ACACA: variants seen among roughly 807,000 people sequenced by gnomAD.
ACACA encodes the protein acetyl-CoA carboxylase alpha, also known as acetyl-CoA carboxylase 1.
In ACACA, 103 loss-of-function variants were observed where a neutral mutation model predicts 296.1. The observed-to-expected ratio is 0.35, with a 90% CI of 0.30 to 0.41. ACACA has a LOEUF of 0.41. ACACA is among the 10% of genes least tolerant of loss of function. The probability of loss-of-function intolerance (pLI) is 1.00; values close to 1 mark genes in which losing one functional copy is unlikely to be tolerated. For missense variants in ACACA, 1,554 were observed against 2,989.7 expected (o/e 0.52, Z 11.20); for synonymous variants, 953 against 1,038.6 (o/e 0.92, Z 1.58).
At chr17:37,206,616 C>G (rs762771288) in intron 32 of ACACA, among the ~76,000 whole-genome samples, 167 bp downstream of exon 32, 1 of 152,064 alleles carries the variant, frequency 6.6e-6, no homozygotes, top group Non-Finnish European at 1.5e-5. Context: ...ATTTATATTC[C>G]ACTTGTTTCC....
At chr17:37,157,531 C>CTTTTTTTTTTTTTTT (rs397687787) in intron 42 of ACACA, among the ~76,000 whole-genome samples, 2 of 90,486 alleles carry the variant, frequency 2.2e-5, no homozygotes, top group Non-Finnish European at 2.0e-5. Flanking sequence ...ATCATTCTAT[C>CTTTTTTTTTTTTTTT]TTTTTTTTTT....
At chr17:37,224,945 G>A in intron 27 of ACACA, 47 bp downstream of exon 27, 2 of 851,120 alleles carry the variant, frequency 2.3e-6, no homozygotes, top group Non-Finnish European at 3.4e-6. Context: ...GGAGGTAAGA[G>A]TCCAGATAGG....
intron 45 of ACACA, 130 bp downstream of exon 45, chr17:37,149,734 G>A (rs2075960476): frequency 3.9e-6 from 3 of 768,766 alleles, no homozygotes; most frequent in Non-Finnish European, 6.9e-6. Flanking sequence ...AAGATGGAGG[G>A]AGAGGGGAAG....
At chr17:37,210,141 C>A (rs1329758078) in intron 30 of ACACA, among the ~76,000 whole-genome samples, 1 of 152,096 alleles carries the variant, frequency 6.6e-6, no homozygotes, top group Admixed American at 6.5e-5. Context: ...CCTCTGAAAG[C>A]CCCAAACTAC....
intron 47 of ACACA, 127 bp from the exon 48 acceptor site, chr17:37,125,921 T>C (rs2074761683): frequency 2.6e-6 from 2 of 781,342 alleles, no homozygotes; most frequent in Admixed American, 2.0e-5. Context: ...AACCAAATTA[T>C]AATAGATGGA....
At chr17:37,323,653 T>C (rs1269748962) in intron 3 of ACACA, among the ~76,000 whole-genome samples, 2 of 152,054 alleles carry the variant, frequency 1.3e-5, no homozygotes, top group Non-Finnish European at 2.9e-5. Flanking sequence ...AATCACACTA[T>C]GCTAGAGAGG....
rs1376572282 is a variant in ACACA at position 37,230,086 on chromosome 17, T to TAAAA, written c.3247-3635_3247-3634insTTTT. 1.4e-4 allele frequency among the ~76,000 whole-genome samples: 20 copies of TAAAA among 144,150 alleles called. No homozygotes were observed. In the East Asian group the frequency reaches 4.2e-3, roughly 30 times the overall value. 94.6% of individuals were successfully genotyped at this position (144,150 alleles called of 152,430 possible). A position where few individuals can be genotyped will look rare whatever the true frequency, so the allele number is the denominator to read the frequency against. On this transcript the variant is annotated intron_variant, in intron 25 of 55. Coordinates refer to ENST00000616317, the MANE Select transcript of ACACA (RefSeq NM_198834.3). ...CAAAATAAAATAAAATAAAATAAAA[T>TAAAA]TAAAATAAATAAATAAGGCCGGGTG...
chr17:37,151,517 T>C (rs1295935645), intron 43 of ACACA, 96 bp from the exon 44 acceptor site: 4 of 1,459,932 alleles, frequency 2.7e-6, no homozygotes, highest in Non-Finnish European at 3.8e-6. Flanking sequence ...TAAAAGTGTA[T>C]TGAAAGCTTA....
chr17:37,246,013 C>T (rs903402503), intron 19 of ACACA, among the ~76,000 whole-genome samples: 2 of 152,174 alleles, frequency 1.3e-5, no homozygotes, highest in African/African-American at 4.8e-5. Flanking sequence ...TTGCTTCTGT[C>T]TTTGTACATG....
chr17:37,163,383 G>T (rs181646609), intron 41 of ACACA, among the ~76,000 whole-genome samples: 1 of 152,016 alleles, frequency 6.6e-6, no homozygotes, highest in African/African-American at 2.4e-5. Flanking sequence ...TGCTTATAGA[G>T]CCTGCAGAAC....
chr17:37,340,221 C>A (rs1322107599), intron 1 of ACACA, among the ~76,000 whole-genome samples: 1 of 152,162 alleles, frequency 6.6e-6, no homozygotes, highest in Non-Finnish European at 1.5e-5. Flanking sequence ...TTCACTTAAG[C>A]TCTGATTATG....
intron 1 of ACACA, among the ~76,000 whole-genome samples, chr17:37,346,297 A>G (rs2048613323): frequency 6.8e-6 from 1 of 147,480 alleles, no homozygotes; most frequent in Non-Finnish European, 1.5e-5. Flanking sequence ...AGCCTGACCA[A>G]CAGAGCAAGA....
At chr17:37,365,523 T>C in intron 1 of ACACA, 1 of 985,438 alleles carries the variant, frequency 1.0e-6, no homozygotes, top group Non-Finnish European at 1.2e-6. Context: ...GTGGGATATA[T>C]AGCTGCTTTA....
intron 25 of ACACA, among the ~76,000 whole-genome samples, chr17:37,234,478 C>T (rs2680400): frequency 0.12 from 18,344 of 152,046 alleles, 1,715 homozygotes; most frequent in East Asian, 0.44. Context: ...ATAATCCGAG[C>T]TTAGATTTTC....
intron 1 of ACACA, chr17:37,376,289 C>T (rs545733175): frequency 8.9e-6 from 6 of 675,340 alleles, no homozygotes; most frequent in Middle Eastern, 2.5e-4. Context: ...TGTATCCACT[C>T]GCCTCTAAGA....
At chr17:37,331,230 G>T (rs961423193) in intron 2 of ACACA, among the ~76,000 whole-genome samples, 1 of 140,104 alleles carries the variant, frequency 7.1e-6, no homozygotes, top group Non-Finnish European at 1.5e-5. Context: ...CCATTCTCCT[G>T]CCTCAGCCTC....
chr17:37,286,924 C>G (rs2082803267), intron 3 of ACACA, among the ~76,000 whole-genome samples: 1 of 152,200 alleles, frequency 6.6e-6, no homozygotes, highest in Non-Finnish European at 1.5e-5. Context: ...TAGTTATTAA[C>G]TCTGGGGTAC....
chr17:37,330,190 G>A lies in ACACA; in HGVS notation c.321C>T (p.Gly107=). ...TCTCTTACCTTATGTGCAAGGCCAA[G>A]CCATCCTGTAGGCTAGAGATCCCCA... ...SDLGISSLQD[G]LALHIRSSMS... The change falls in exon 3 of 56, where the codon GGC becomes GGT. Residue 107 remains glycine (G), a synonymous_variant. Transcript: ENST00000616317. The A allele has an allele frequency of 6.2e-7, 1 of 1,614,182 alleles. No individual in the cohort carries two copies. Among genetic ancestry groups the A allele is most frequent in the Non-Finnish European group, 8.5e-7 (1 of 1,180,030 alleles).
In ACACA at chr17:37,221,727, T is replaced by C; in HGVS notation, c.3680A>G (p.Asn1227Ser). The C allele has an allele frequency of 6.2e-7, 1 of 1,613,210 alleles. No individual in the cohort carries two copies. The highest frequency in any genetic ancestry group is 8.5e-7 in the Non-Finnish European group (1 of 1,179,132). ...GCACATACCACCTCAAACTCACCTG[T>C]TTGGATGAGATGTGGGCAGCATGAA... ...FQFMLPTSHP[N>S]RGNIPTLNRM... Residue 1227 changes from asparagine to serine, a missense_variant, in exon 29 of 56, where the codon AAC (asparagine) becomes AGC (serine). Physicochemically the swap from Asn to Ser is conservative, Grantham distance 46. Coordinates refer to ENST00000616317, the MANE Select transcript of ACACA (RefSeq NM_198834.3).
Sources: allele counts gnomAD v4.1 joint callset (sites outside exome capture counted in the v4.1 genomes callset), GRCh38; gene constraint gnomAD v4.1.1; transcripts MANE v1.5; gene names NCBI Gene and HGNC (gene_info 2026-07-23, HGNC 2026-07-21).